The following DOK6 variants were observed in gnomAD, a reference collection of about 807,000 sequenced individuals.
DOK6 encodes downstream of tyrosine kinase 6.
A neutral mutation model predicts 44.0 loss-of-function variants in DOK6; 22 were observed. The ratio of observed to expected loss-of-function variants is 0.50; its 90% confidence interval spans 0.36 to 0.71. The LOEUF (loss-of-function observed/expected upper bound fraction) is 0.71, where lower values mean the gene tolerates loss of function less well. DOK6 is among the 30% of genes least tolerant of loss of function. The pLI is 0.00. For synonymous variants in DOK6, 166 were observed against 145.5 expected (o/e 1.14, Z -1.01); for missense variants, 340 against 416.4 (o/e 0.82, Z 1.60).
At chr18:69,659,707 C>T (rs1292755580) in intron 3 of DOK6, 1 of 151,620 alleles carries the variant, frequency 6.6e-6, no homozygotes, top group Non-Finnish European at 1.5e-5. Flanking sequence ...TCTGACTGTG[C>T]CTGTAATTAT....
intron 1 of DOK6, among the ~76,000 whole-genome samples, chr18:69,452,219 G>A (rs200598217): frequency 0.19 from 28,510 of 147,982 alleles, 3,101 homozygotes; most frequent in Non-Finnish European, 0.23. Context: ...AATAAAAAAT[G>A]ATAAAGGGGA....
chr18:69,700,130 A>T (rs1986480709), intron 5 of DOK6, among the ~76,000 whole-genome samples: 1 of 151,270 alleles, frequency 6.6e-6, no homozygotes, highest in Non-Finnish European at 1.5e-5. Flanking sequence ...CTCCAACAAC[A>T]CGTGGGAATT....
intron 3 of DOK6, among the ~76,000 whole-genome samples, chr18:69,605,793 A>G (rs190530314): frequency 5.9e-4 from 84 of 143,330 alleles, no homozygotes; most frequent in Middle Eastern, 3.4e-3. Flanking sequence ...CACTTAAGAT[A>G]AAAACTGATG....
chr18:69,617,085 T>G (rs968358323), intron 3 of DOK6, among the ~76,000 whole-genome samples: 1 of 49,574 alleles, frequency 2.0e-5, no homozygotes, highest in African/African-American at 4.9e-5. Flanking sequence ...TATATCCATA[T>G]ATTTGTTAAA....
chr18:69,677,196 G>A (rs1985941375), intron 3 of DOK6, among the ~76,000 whole-genome samples: 1 of 151,832 alleles, frequency 6.6e-6, no homozygotes, highest in African/African-American at 2.4e-5. Context: ...TCACTTTCAG[G>A]AAAACATTCA....
intron 7 of DOK6, among the ~76,000 whole-genome samples, chr18:69,809,856 A>G (rs1016769635): frequency 6.6e-6 from 1 of 152,000 alleles, no homozygotes; most frequent in Admixed American, 6.6e-5. Flanking sequence ...ATGAAAAGAT[A>G]TCCTGTGTTT....
At chr18:69,417,959 C>T (rs957990594) in intron 1 of DOK6, among the ~76,000 whole-genome samples, 3 of 151,978 alleles carry the variant, frequency 2.0e-5, no homozygotes, top group South Asian at 2.1e-4. Flanking sequence ...TTTATTAACC[C>T]CTTGTCAGTT....
chr18:69,542,627 A>G (rs1239757393), intron 1 of DOK6, among the ~76,000 whole-genome samples: 2 of 151,642 alleles, frequency 1.3e-5, no homozygotes, highest in African/African-American at 4.8e-5. Flanking sequence ...ATGAAAATAT[A>G]AAGTAGGAAA....
chr18:69,650,691 A>G (rs1239356244), intron 3 of DOK6, among the ~76,000 whole-genome samples: 3 of 152,206 alleles, frequency 2.0e-5, no homozygotes, highest in Admixed American at 6.5e-5. Context: ...TCTTCTGCAC[A>G]ATATTGTGCT....
chr18:69,821,799 T>TTTAA (rs10641812), intron 7 of DOK6, among the ~76,000 whole-genome samples: 35 of 149,346 alleles, frequency 2.3e-4, no homozygotes, highest in East Asian at 7.8e-4. Flanking sequence ...TTTTTTTTTT[T>TTTAA]AAAAAAAATC....
At chr18:69,631,654 G>A (rs1984693120) in intron 3 of DOK6, among the ~76,000 whole-genome samples, 1 of 152,166 alleles carries the variant, frequency 6.6e-6, no homozygotes, top group African/African-American at 2.4e-5. Flanking sequence ...GCTAGAACAT[G>A]TCACAGACTG....
At position 69,842,623 on chromosome 18, in the gene DOK6, T is replaced by C. The variant is rs1201839114; in HGVS notation, c.*1240T>C. ...ACTGGACACAGGTTGTCTGAGATTA[T>C]AAGAAATAAAATAGATCAATAATTT... On this transcript the variant is annotated 3_prime_UTR_variant, in exon 8 of 8. Coordinates refer to ENST00000382713, the MANE Select transcript of DOK6 (RefSeq NM_152721.6). The C allele has an allele frequency of 6.6e-6, 1 of 152,204 alleles. No individual in the cohort carries two copies. The highest frequency in any genetic ancestry group is 1.5e-5 in the Non-Finnish European group (1 of 68,040). 9.4% of individuals were successfully genotyped at this position (152,204 alleles called of 1,614,324 possible).
intron 1 of DOK6, among the ~76,000 whole-genome samples, chr18:69,502,027 T>G (rs1473054603): frequency 1.3e-5 from 2 of 152,084 alleles, no homozygotes; most frequent in Non-Finnish European, 2.9e-5. Flanking sequence ...AGCTATTATT[T>G]CAGAAGAGTT....
At chr18:69,556,376 C>T (rs1454088343) in intron 1 of DOK6, among the ~76,000 whole-genome samples, 1 of 152,140 alleles carries the variant, frequency 6.6e-6, no homozygotes, top group Non-Finnish European at 1.5e-5. Context: ...TCTAATGCTG[C>T]TCCTAAAAAT....
intron 6 of DOK6, among the ~76,000 whole-genome samples, chr18:69,757,463 C>A (rs1355505442): frequency 6.6e-6 from 1 of 152,138 alleles, no homozygotes; most frequent in Non-Finnish European, 1.5e-5. Flanking sequence ...GGAGTGAGTA[C>A]AATTGATCAT....
rs1025021506 is a variant in DOK6, at chr18:69,842,927, C to G, written c.*1544C>G. ...TTTCTTAATAGGAAAATTTTTTAAA[C>G]TATCCAAATTAGTCTGTTGAAAGGG... On this transcript the variant is annotated 3_prime_UTR_variant, in exon 8 of 8. Coordinates refer to ENST00000382713, the MANE Select transcript of DOK6 (RefSeq NM_152721.6). 8 of 151,984 alleles carry G rather than the reference C, an allele frequency of 5.3e-5. No homozygotes were observed. The highest frequency in any genetic ancestry group is 6.5e-5 in the Admixed American group (1 of 15,270). The allele number at this position is 151,984 out of a possible 1,614,324, so 9.4% of individuals were successfully genotyped here.
chr18:69,771,592 G>A (rs1018114409), intron 7 of DOK6, among the ~76,000 whole-genome samples: 2 of 151,876 alleles, frequency 1.3e-5, no homozygotes, highest in Non-Finnish European at 2.9e-5. Context: ...GGCTGTGTCA[G>A]ATCCTGGGGA....
chr18:69,401,122 G>T lies in DOK6; in HGVS notation c.-123G>T. On this transcript the variant is annotated 5_prime_UTR_variant, in exon 1 of 8. Coordinates refer to ENST00000382713, the MANE Select transcript of DOK6 (RefSeq NM_152721.6). ...ACCGGCGGGAGCTCGGGGAAGAGCG[G>T]GCGGCGGCGCTGCTGCTGGCGGCGG... 1.0e-6 allele frequency: 1 copy of T among 979,352 alleles called. No individual in the cohort carries two copies. Among genetic ancestry groups the T allele is most frequent in the Non-Finnish European group, 1.4e-6 (1 of 738,718 alleles). 60.7% of individuals were successfully genotyped at this position (979,352 alleles called of 1,614,324 possible).
At chr18:69,547,912 GTATC>G (rs1163295644) in intron 1 of DOK6, among the ~76,000 whole-genome samples, 1 of 145,042 alleles carries the variant, frequency 6.9e-6, no homozygotes, top group Non-Finnish European at 1.5e-5. Flanking sequence ...ATATTCCATT[GTATC>G]TATATATAAT....
Sources: allele counts gnomAD v4.1 joint callset (sites outside exome capture counted in the v4.1 genomes callset), GRCh38; gene constraint gnomAD v4.1.1; transcripts MANE v1.5; gene names NCBI Gene and HGNC (gene_info 2026-07-23, HGNC 2026-07-21).